Variants in CES4A observed in about 807,000 individuals in gnomAD.
CES4A encodes carboxylesterase 6.
CES4A carries 48 observed loss-of-function variants against 65.4 expected under a neutral mutation model. The observed-to-expected ratio is 0.73, with a 90% CI of 0.58 to 0.93. The LOEUF is 0.93. Ranked by LOEUF, CES4A falls within the 40% of genes least tolerant of loss-of-function variation. CES4A has a pLI of 0.00. For synonymous variants in CES4A, 247 were observed against 281.8 expected, an observed-to-expected ratio of 0.88 and a Z score of 1.24; for missense variants, 685 against 728.5, an observed-to-expected ratio of 0.94 and a Z score of 0.69.
chr16:67,001,037 C>A lies in CES4A; in HGVS notation c.536+47C>A. The stretch of plus-strand genomic sequence containing the variant: ...GGGACCGCAGCTGTGGCCAGAGCGG[C>A]GGGGACTGGGTGGGAAGGGAGGGGC... On this transcript the variant is annotated intron_variant, in intron 4 of 13. Transcript: ENST00000648724. The surrounding 1 kb of genome is among the most constrained non-coding windows in gnomAD (Gnocchi z 4.1). 1.5e-6 allele frequency: 1 copy of A among 662,774 alleles called. No homozygotes were observed. Among genetic ancestry groups the A allele is most frequent in the Non-Finnish European group, 2.0e-6 (1 of 496,472 alleles). The allele number at this position is 662,774 out of a possible 1,614,324, so 41.1% of individuals were successfully genotyped here.
At position 67,003,234 on chromosome 16, in the gene CES4A, G is replaced by C. The variant is rs751213017; in HGVS notation, c.796-22G>C. 2 of 1,613,302 alleles carry C rather than the reference G, an allele frequency of 1.2e-6. No homozygotes were observed. Among genetic ancestry groups the C allele is most frequent in the South Asian group, 2.2e-5 (2 of 91,070 alleles). Reference sequence around the variant, plus strand: ...AAGGGCAGGATGGAAGCACCACTGAGCATCCTTTCTTCTCTCTATAGAAGG... The same window carrying C: ...AAGGGCAGGATGGAAGCACCACTGACCATCCTTTCTTCTCTCTATAGAAGG... On this transcript the variant is annotated intron_variant, in intron 6 of 13. Transcript: ENST00000648724. This position sits in a 1 kb window ranked among gnomAD's most constrained non-coding sequence, Gnocchi z 4.2.
chr16:67,001,671 A>G lies in CES4A; in HGVS notation c.690+210A>G, dbSNP rs1217290758. 6.6e-6 allele frequency among the ~76,000 whole-genome samples: 1 copy of G among 152,264 alleles called. No individual in the cohort carries two copies. Among genetic ancestry groups the G allele is most frequent in the Non-Finnish European group, 1.5e-5 (1 of 68,036 alleles). ...AGCACTGATGAGAAAACTGAGCCCC[A>G]GGAAGGGTAGTGCTGAGGCTTGGGG... On this transcript the variant is annotated intron_variant, in intron 5 of 13. Coordinates refer to ENST00000648724, the Ensembl canonical transcript of CES4A. The surrounding 1 kb of genome is among the most constrained non-coding windows in gnomAD (Gnocchi z 4.1).
chr16:67,003,784 T>C lies in CES4A; in HGVS notation c.939+231T>C, dbSNP rs1169978501. Among the ~76,000 whole-genome samples the C allele has an allele frequency of 6.6e-6, 1 of 151,758 alleles. No individual in the cohort carries two copies. Among genetic ancestry groups the C allele is most frequent in the East Asian group, 1.9e-4 (1 of 5,186 alleles). On this transcript the variant is annotated intron_variant, in intron 8 of 13. Coordinates refer to ENST00000648724, the Ensembl canonical transcript of CES4A. This position sits in a 1 kb window ranked among gnomAD's most constrained non-coding sequence, Gnocchi z 4.2. ...TAAAGGGGTTGGACATTTTGGGAGGTATGGACTTTTAAATAGAATGGCTAG... is the reference window on the plus strand; with the variant it reads ...TAAAGGGGTTGGACATTTTGGGAGGCATGGACTTTTAAATAGAATGGCTAG...
rs1317428292 is a variant in CES4A, at chr16:67,003,342, G to A, written c.882G>A (p.Met294Ile). 3.1e-6 allele frequency: 5 copies of A among 1,614,014 alleles called. No homozygotes were observed. Among genetic ancestry groups the A allele is most frequent in the East Asian group, 2.2e-5 (1 of 44,892 alleles). ...GGGCACTATCAGGGACCAAGGTGAT[G>A]CGTGTGTCCAACAAGATGGTAGGTA... is the stretch of plus-strand genomic sequence containing the variant. Residue 294 changes from methionine (M) to isoleucine (I), a missense_variant, in exon 7 of 14, where the codon ATG becomes ATA. Coordinates refer to ENST00000648724, the Ensembl canonical transcript of CES4A. The surrounding 1 kb of genome is among the most constrained non-coding windows in gnomAD (Gnocchi z 4.2).
chr16:67,005,721 T>C, intron 11 of CES4A: 1 of 252,036 alleles, frequency 4.0e-6, no homozygotes, highest in South Asian at 5.5e-5. Flanking sequence ...TAGTGGCGCA[T>C]GCCTATAGTC....
At chr16:67,009,341 TC>T in exon 14 of CES4A, 1 of 536,714 alleles carries the variant, frequency 1.9e-6, no homozygotes. Context: ...CAGCCTGACA[TC>T]CCATGATGCC....
chr16:66,989,366 A>G (rs1964191528), intron 1 of CES4A, among the ~76,000 whole-genome samples: 1 of 151,222 alleles, frequency 6.6e-6, no homozygotes, highest in Admixed American at 6.6e-5. Context: ...TTATATATAT[A>G]TATATGGTAA....
At chr16:67,005,152 G>T in intron 10 of CES4A, 88 bp from the exon 11 acceptor site, 1 of 1,384,572 alleles carries the variant, frequency 7.2e-7, no homozygotes, top group Non-Finnish European at 1.0e-6. Context: ...AACTCCTGGG[G>T]GGCTGAGCAT....
rs1242637539 is a variant in CES4A, at chr16:67,001,434, G to A, written c.663G>A (p.Ser221=). 1.2e-6 allele frequency: 2 copies of A among 1,611,814 alleles called. No individual in the cohort carries two copies. Among genetic ancestry groups the A allele is most frequent in the South Asian group, 1.1e-5 (1 of 90,720 alleles). ...GAAATGTGACCCTGTTCGGCCAGTC[G>A]GCGGGGGCCATGAGCATCTCAGGAC... The change falls in exon 5 of 14, where the codon TCG becomes TCA. Residue 221 remains serine (S), a synonymous_variant. Coordinates refer to ENST00000648724, the Ensembl canonical transcript of CES4A. This position sits in a 1 kb window ranked among gnomAD's most constrained non-coding sequence, Gnocchi z 4.1.
intron 1 of CES4A, among the ~76,000 whole-genome samples, chr16:66,995,082 C>G (rs926726229): frequency 6.6e-6 from 1 of 151,526 alleles, no homozygotes; most frequent in African/African-American, 2.4e-5. Flanking sequence ...GAGGCCAAGG[C>G]GGGCAGATCA....
rs1965513354 is a variant in CES4A, at chr16:67,003,511, A to G, written c.901-4A>G. ...TAACTCTGATCCCTTCCTCTCCCCCATAGAGATTCCTCCAACTGAACTTCC... is the reference window on the plus strand; with the variant it reads ...TAACTCTGATCCCTTCCTCTCCCCCGTAGAGATTCCTCCAACTGAACTTCC... On this transcript the variant is annotated splice_polypyrimidine_tract_variant and splice_region_variant and intron_variant, in intron 7 of 13. Coordinates refer to ENST00000648724, the Ensembl canonical transcript of CES4A. This position sits in a 1 kb window ranked among gnomAD's most constrained non-coding sequence, Gnocchi z 4.2. The G allele has an allele frequency of 6.2e-7, 1 of 1,612,986 alleles. No individual in the cohort carries two copies. Among genetic ancestry groups the G allele is most frequent in the African/African-American group, 1.3e-5 (1 of 74,880 alleles).
chr16:67,006,739 C>T lies in CES4A; in HGVS notation c.1445-6C>T, dbSNP rs1228888570. On this transcript the variant is annotated splice_polypyrimidine_tract_variant and splice_region_variant and intron_variant, in intron 12 of 13. Transcript: ENST00000648724. ...TCCGAAATCCCACATCCCATTCTGCCCCCAGGCCTTTCCATGGGTAAGGAG... is the reference window on the plus strand; with the variant it reads ...TCCGAAATCCCACATCCCATTCTGCTCCCAGGCCTTTCCATGGGTAAGGAG... 6.2e-7 allele frequency: 1 copy of T among 1,613,940 alleles called. No homozygotes were observed. Among genetic ancestry groups the T allele is most frequent in the African/African-American group, 1.3e-5 (1 of 75,032 alleles).
At chr16:67,009,217 A>T in exon 14 of CES4A, 3 of 1,409,496 alleles carry the variant, frequency 2.1e-6, no homozygotes, top group Non-Finnish European at 1.9e-6. Flanking sequence ...AGCCATGGAC[A>T]TACCTGGGGA....
intron 1 of CES4A, among the ~76,000 whole-genome samples, chr16:66,993,635 C>A (rs917018164): frequency 9.9e-5 from 15 of 152,124 alleles, no homozygotes; most frequent in African/African-American, 3.6e-4. Context: ...TGAGCCACTG[C>A]GCCTGGCCTT....
intron 1 of CES4A, among the ~76,000 whole-genome samples, chr16:66,993,727 C>T (rs1964576229): frequency 6.6e-6 from 1 of 152,152 alleles, no homozygotes; most frequent in South Asian, 2.1e-4. Flanking sequence ...GTATTAGATG[C>T]GAGTATGCAT....
At chr16:66,997,416 T>C (rs1326640737) in intron 2 of CES4A, among the ~76,000 whole-genome samples, 1 of 152,034 alleles carries the variant, frequency 6.6e-6, no homozygotes, top group African/African-American at 2.4e-5. Flanking sequence ...GTGGTTGGGG[T>C]GGGCAGCGGG....
Position 67,003,422 on chromosome 16 carries a change from C to T in CES4A, c.900+62C>T. ...TGAGGGCCATCCTCCTATCCTGGTA[C>T]CCAGCCACCCCCAACTACTTCCCCA... On this transcript the variant is annotated intron_variant, in intron 7 of 13. Transcript: ENST00000648724. The surrounding 1 kb of genome is among the most constrained non-coding windows in gnomAD (Gnocchi z 4.2). 2.5e-6 allele frequency: 4 copies of T among 1,587,020 alleles called. No individual in the cohort carries two copies. The Admixed American group carries it at 5.0e-5, about 20-fold the overall frequency.
At chr16:67,006,100 TC>T in intron 11 of CES4A, 1 of 371,180 alleles carries the variant, frequency 2.7e-6, no homozygotes, top group Non-Finnish European at 5.1e-6. Flanking sequence ...AAAGGAAGGT[TC>T]AGAACAGGGA....
intron 1 of CES4A, among the ~76,000 whole-genome samples, chr16:66,993,677 C>G (rs1408922280): frequency 6.6e-6 from 1 of 152,148 alleles, no homozygotes; most frequent in Admixed American, 6.5e-5. Flanking sequence ...ATGAGCTGTG[C>G]TCACATGTAC....
Sources: allele counts gnomAD v4.1 joint callset (sites outside exome capture counted in the v4.1 genomes callset), GRCh38; gene constraint gnomAD v4.1.1; non-coding constraint Gnocchi (gnomAD v3.1); transcripts MANE v1.5; gene names NCBI Gene and HGNC (gene_info 2026-07-23, HGNC 2026-07-21).